UTP15: variants seen among roughly 807,000 people sequenced by gnomAD.
The protein encoded by UTP15 is UTP15 small subunit processome component.
In UTP15, 5 loss-of-function variants were observed where a neutral mutation model predicts 59.1. That is an observed-to-expected ratio of 0.08 (90% CI 0.04 to 0.18). The LOEUF is 0.18. Among genes scored for constraint, UTP15 ranks in the 10% least tolerant of loss-of-function variants. The pLI, the probability that UTP15 is intolerant of heterozygous loss-of-function variation, is 1.00. For synonymous variants in UTP15, 211 were observed against 212.2 expected (o/e 0.99, Z 0.05); for missense variants, 494 against 616.7 (o/e 0.80, Z 2.11).
chr5:73,573,445 GCCATATTGC>G, intron 7 of UTP15, among the ~76,000 whole-genome samples: 1 of 151,516 alleles, frequency 6.6e-6, no homozygotes, highest in African/African-American at 2.4e-5. Flanking sequence ...ACGGGGTTTC[GCCATATTGC>G]CCAGACTGGT....
At chr5:73,565,953 C>T (rs1355754131) in intron 1 of UTP15, 41 bp downstream of exon 1, 1 of 452,418 alleles carries the variant, frequency 2.2e-6, no homozygotes, top group Non-Finnish European at 4.4e-6. Flanking sequence ...CCCACACTCA[C>T]ACCCGGCCTT....
chr5:73,568,539 T>C lies in UTP15; in HGVS notation c.303T>C (p.Asp101=), dbSNP rs542253368. 191 of 1,614,116 alleles carry C rather than the reference T, an allele frequency of 1.2e-4. 1 individual carries two copies. The South Asian group carries it at 2.0e-3, about 17-fold the overall frequency. ...GATTGCTTGTGGCTGGCAGTGAAGA[T>C]GGTGGAGTTCAACTTTTTGATATAA... ...DGRLLVAGSE[D]GGVQLFDISG... is the part of the protein sequence containing the mutation. The change falls in exon 4 of 13, where the codon GAT becomes GAC. Residue 101 remains aspartate (D), a synonymous_variant. Coordinates refer to ENST00000296792, the MANE Select transcript of UTP15 (RefSeq NM_032175.4).
rs777461181 is a variant in UTP15, at chr5:73,572,506, G to T, written c.691G>T (p.Val231Phe). 2.5e-6 allele frequency: 4 copies of T among 1,613,944 alleles called. No individual in the cohort carries two copies. The Admixed American group carries it at 5.0e-5, about 20-fold the overall frequency. The change falls in exon 7 of 13, where the codon GTC becomes TTC. Residue 231 changes from valine (V) to phenylalanine (F), a missense_variant. Coordinates refer to ENST00000296792, the MANE Select transcript of UTP15 (RefSeq NM_032175.4). ...TTTTATAGGAGGTCGTTATGTTAAA[G>T]TCTGGGACATGTTAAAAGGAGGACA... is the stretch of plus-strand genomic sequence containing the variant. Reference protein sequence around the residue: ...LVSAGGRYVKVWDMLKGGQLL... With the variant: ...LVSAGGRYVKFWDMLKGGQLL...
At chr5:73,569,888 A>C (rs1747881229) in intron 5 of UTP15, among the ~76,000 whole-genome samples, 1 of 152,190 alleles carries the variant, frequency 6.6e-6, no homozygotes, top group Non-Finnish European at 1.5e-5. Context: ...GCTGGAGTGC[A>C]GTGATGTGAC....
intron 7 of UTP15, among the ~76,000 whole-genome samples, chr5:73,575,717 T>C (rs2112052560): frequency 1.3e-5 from 2 of 151,346 alleles, no homozygotes; most frequent in South Asian, 4.2e-4. Flanking sequence ...CTTTCATTGA[T>C]AATTTTTTCT....
intron 6 of UTP15, 29 bp downstream of exon 6, chr5:73,570,740 A>G (rs999550901): frequency 1.1e-5 from 17 of 1,605,722 alleles, no homozygotes; most frequent in East Asian, 4.5e-5. Context: ...TTTCACCAAT[A>G]TTGTTGGTTT....
intron 2 of UTP15, 54 bp downstream of exon 2, chr5:73,567,488 T>A: frequency 7.6e-7 from 1 of 1,312,658 alleles, no homozygotes; most frequent in Non-Finnish European, 1.1e-6. Flanking sequence ...CCAATTTCTC[T>A]AGCATATGTT....
In UTP15 at chr5:73,568,407, T is replaced by A; in HGVS notation, c.184-13T>A. 1 of 1,603,464 alleles carries A rather than the reference T, an allele frequency of 6.2e-7. No individual in the cohort carries two copies. Among genetic ancestry groups the A allele is most frequent in the Non-Finnish European group, 8.5e-7 (1 of 1,175,186 alleles). On this transcript the variant is annotated splice_polypyrimidine_tract_variant and intron_variant, in intron 3 of 12. Coordinates refer to ENST00000296792, the MANE Select transcript of UTP15 (RefSeq NM_032175.4). ...TTGAGCCATCTGGTGAAATACTGTT[T>A]TTCATCTTGTAGATTCACATTTATG...
chr5:73,572,064 C>G (rs972089981), intron 6 of UTP15, among the ~76,000 whole-genome samples: 12 of 152,056 alleles, frequency 7.9e-5, no homozygotes, highest in Non-Finnish European at 5.9e-5. Context: ...AACTCCTGTT[C>G]CCCAGTCAAG....
chr5:73,571,891 G>C (rs929867287), intron 6 of UTP15, among the ~76,000 whole-genome samples: 1 of 152,218 alleles, frequency 6.6e-6, no homozygotes, highest in Admixed American at 6.5e-5. Context: ...GCTGTGTGCT[G>C]ATCTCCACTG....
At chr5:73,573,755 G>A (rs1467682144) in intron 7 of UTP15, among the ~76,000 whole-genome samples, 1 of 151,156 alleles carries the variant, frequency 6.6e-6, no homozygotes, top group Non-Finnish European at 1.5e-5. Context: ...TGTATTTTTA[G>A]TAGAGACAGA....
At chr5:73,576,888 T>C (rs768652142) in intron 7 of UTP15, 64 bp from the exon 8 acceptor site, 93 of 1,150,932 alleles carry the variant, frequency 8.1e-5, no homozygotes, top group African/African-American at 2.0e-4. Context: ...TTTCAGAAAA[T>C]AGAAATTTGC....
intron 7 of UTP15, among the ~76,000 whole-genome samples, chr5:73,576,447 G>A (rs998778603): frequency 1.5e-4 from 22 of 150,138 alleles, no homozygotes; most frequent in African/African-American, 5.4e-4. Flanking sequence ...GTTTTTATAC[G>A]GATGTTATAG....
At chr5:73,569,088 T>A (rs551031031) in intron 4 of UTP15, among the ~76,000 whole-genome samples, 2 of 152,342 alleles carry the variant, frequency 1.3e-5, no homozygotes, top group East Asian at 3.9e-4. Flanking sequence ...GGATTGCCAA[T>A]GTCCGTGCTG....
chr5:73,571,470 A>G (rs1187202012), intron 6 of UTP15, among the ~76,000 whole-genome samples: 1 of 152,000 alleles, frequency 6.6e-6, no homozygotes, highest in Non-Finnish European at 1.5e-5. Context: ...GGCTTTTTTC[A>G]TTTGTAAATA....
intron 6 of UTP15, 102 bp downstream of exon 6, chr5:73,570,813 T>C: frequency 6.7e-7 from 1 of 1,484,208 alleles, no homozygotes; most frequent in Non-Finnish European, 9.2e-7. Flanking sequence ...TTGAATTGCA[T>C]ATCTAAGTCT....
chr5:73,568,789 G>A (rs562010910), intron 4 of UTP15, among the ~76,000 whole-genome samples, 185 bp downstream of exon 4: 1 of 152,172 alleles, frequency 6.6e-6, no homozygotes, highest in Non-Finnish European at 1.5e-5. Context: ...TGGGGCTTAT[G>A]AATTCCCTAG....
intron 4 of UTP15, among the ~76,000 whole-genome samples, chr5:73,569,292 T>C (rs1000808385): frequency 2.6e-5 from 4 of 152,154 alleles, no homozygotes; most frequent in Admixed American, 1.3e-4. Context: ...TTTTTAACTT[T>C]ACAATATAGG....
At chr5:73,573,477 G>A (rs1748001824) in intron 7 of UTP15, among the ~76,000 whole-genome samples, 3 of 151,618 alleles carry the variant, frequency 2.0e-5, no homozygotes, top group Non-Finnish European at 4.4e-5. Flanking sequence ...CGAACTTCTG[G>A]CCTCGTGTGG....
Sources: allele counts gnomAD v4.1 joint callset (sites outside exome capture counted in the v4.1 genomes callset), GRCh38; gene constraint gnomAD v4.1.1; transcripts MANE v1.5; gene names NCBI Gene and HGNC (gene_info 2026-07-23, HGNC 2026-07-21).